Variants in DENND6B observed in about 807,000 individuals in gnomAD.
DENND6B encodes DENN domain containing 6B.
A neutral mutation model predicts 85.1 loss-of-function variants in DENND6B; 73 were observed. The observed-to-expected ratio is 0.86, with a 90% CI of 0.71 to 1.04. The LOEUF is 1.04. Ranked by LOEUF, DENND6B falls within the 50% of genes least tolerant of loss-of-function variation. The pLI is 0.00. For missense variants in DENND6B, 715 were observed against 785.8 expected, an observed-to-expected ratio of 0.91 and a Z score of 1.08; for synonymous variants, 357 against 329.3, an observed-to-expected ratio of 1.08 and a Z score of -0.91.
In DENND6B at chr22:50,311,931, C is replaced by A; in HGVS notation, c.*208G>T. 1.2e-6 allele frequency: 1 copy of A among 847,126 alleles called. No homozygotes were observed. The allele number at this position is 847,126 out of a possible 1,614,324, so 52.5% of individuals were successfully genotyped here. A position where few individuals can be genotyped will look rare whatever the true frequency, so the allele number is the denominator to read the frequency against. ...GGACCCAGGAGGAGGCAAGGCTCTG[C>A]CTGCGAGGAACCCCTATGGTCAAGG... On this transcript the variant is annotated 3_prime_UTR_variant, in exon 20 of 20. Coordinates refer to ENST00000413817, the MANE Select transcript of DENND6B (RefSeq NM_001001794.4).
At chr22:50,318,821 G>A in intron 3 of DENND6B, 26 bp downstream of exon 3, 1 of 1,612,264 alleles carries the variant, frequency 6.2e-7, no homozygotes, top group South Asian at 1.1e-5. Context: ...TTCATGTCCA[G>A]CCCCAGGAAA....
chr22:50,326,789 C>T (rs777811274), intron 1 of DENND6B, 23 bp downstream of exon 1: 13 of 1,366,970 alleles, frequency 9.5e-6, no homozygotes, highest in South Asian at 8.3e-5. Context: ...CACCCGCCCG[C>T]GCCCGCGCTC....
intron 13 of DENND6B, 81 bp from the exon 14 acceptor site, chr22:50,313,959 T>TGG: frequency 6.8e-7 from 1 of 1,476,022 alleles, no homozygotes; most frequent in Non-Finnish European, 9.0e-7. Context: ...GGAGCCAGGG[T>TGG]GGGGGTCTCA....
Position 50,314,842 on chromosome 22 carries a change from G to C in DENND6B, c.838C>G (p.Pro280Ala), listed in dbSNP as rs533282496. 2 of 1,611,532 alleles carry C rather than the reference G, an allele frequency of 1.2e-6. No individual in the cohort carries two copies. The highest frequency in any genetic ancestry group is 2.2e-5 in the South Asian group (2 of 90,730). Residue 280 changes from proline to alanine, a missense_variant, in exon 10 of 20, where the codon CCC becomes GCC. Physicochemically the swap from Pro to Ala is conservative, Grantham distance 27. Transcript: ENST00000413817. Reference protein sequence around the residue: ...LLGEPLLVLAPSPDVSSEMVL... With the variant: ...LLGEPLLVLAASPDVSSEMVL... ...ATCTCCGAGGACACGTCGGGCGAGG[G>C]TGCCAGGACTAGCAGGGGCTCCCCG...
intron 1 of DENND6B, among the ~76,000 whole-genome samples, chr22:50,320,504 G>A (rs1021458204): frequency 1.3e-5 from 2 of 152,196 alleles, no homozygotes; most frequent in Non-Finnish European, 2.9e-5. Flanking sequence ...CTGCCTCCCA[G>A]CACCTGGCAC....
intron 3 of DENND6B, among the ~76,000 whole-genome samples, chr22:50,318,325 G>A (rs1021854898): frequency 3.3e-5 from 5 of 152,126 alleles, no homozygotes; most frequent in Admixed American, 6.5e-5. Context: ...CCTGGGTGAC[G>A]GAGTGAGACT....
chr22:50,314,141 A>G, intron 13 of DENND6B, 66 bp downstream of exon 13: 1 of 1,518,730 alleles, frequency 6.6e-7, no homozygotes, highest in Admixed American at 2.1e-5. Context: ...CCCACCCGAG[A>G]GACCCGCCAG....
At position 50,316,369 on chromosome 22, in the gene DENND6B, C is replaced by T. The variant is rs1471028221; in HGVS notation, c.559+1G>A. On this transcript the variant is annotated splice_donor_variant, in intron 6 of 19. Coordinates refer to ENST00000413817, the MANE Select transcript of DENND6B (RefSeq NM_001001794.4). LOFTEE classifies it high-confidence loss of function. ...GATGGCCACGACTGATGGCCACTCACCTGCTTCCAGGCAGGGCGCCAGCTT... is the reference window on the plus strand; with the variant it reads ...GATGGCCACGACTGATGGCCACTCATCTGCTTCCAGGCAGGGCGCCAGCTT... 1.3e-6 allele frequency: 2 copies of T among 1,573,198 alleles called. No individual in the cohort carries two copies. Among genetic ancestry groups the T allele is most frequent in the Non-Finnish European group, 1.7e-6 (2 of 1,161,062 alleles).
intron 1 of DENND6B, chr22:50,319,618 G>A: frequency 1.4e-6 from 1 of 734,086 alleles, no homozygotes; most frequent in Non-Finnish European, 1.7e-6. Context: ...CCCTCACCTG[G>A]GATGGTCACG....
Position 50,311,142 on chromosome 22 carries a change from C to G in DENND6B, c.*997G>C, listed in dbSNP as rs1036000150. ...GGGACCTGCTCCCGGGCACACAGTG[C>G]GTGATGCTGAGCAGGGCTTGGCTGT... On this transcript the variant is annotated 3_prime_UTR_variant, in exon 20 of 20. Transcript: ENST00000413817. 6.6e-6 allele frequency: 1 copy of G among 152,166 alleles called. No individual in the cohort carries two copies. Among genetic ancestry groups the G allele is most frequent in the Admixed American group, 6.5e-5 (1 of 15,276 alleles). 9.4% of individuals were successfully genotyped at this position (152,166 alleles called of 1,614,324 possible). A position where few individuals can be genotyped will look rare whatever the true frequency, so the allele number is the denominator to read the frequency against.
chr22:50,326,334 T>C (rs2042188415), intron 1 of DENND6B, among the ~76,000 whole-genome samples: 1 of 152,156 alleles, frequency 6.6e-6, no homozygotes, highest in Non-Finnish European at 1.5e-5. Context: ...CCACAAAGGT[T>C]GAACTCTGGG....
Position 50,312,260 on chromosome 22 carries a change from A to G in DENND6B, c.1637T>C (p.Val546Ala). Residue 546 changes from valine to alanine, a missense_variant and splice_region_variant, in exon 20 of 20, where the codon GTG becomes GCG. By Grantham distance (64) the Val-to-Ala change is moderately conservative (BLOSUM62 0). Transcript: ENST00000413817. ...DLVLKLREKL[V>A]RAQGHQLPVK... Reference sequence around the variant, plus strand: ...AGGGAGCTGGTGGCCCTGAGCCCGCACCTGGAGGGGCAGCCATGGTCAGGG... The same window carrying G: ...AGGGAGCTGGTGGCCCTGAGCCCGCGCCTGGAGGGGCAGCCATGGTCAGGG... 6.2e-7 allele frequency: 1 copy of G among 1,612,058 alleles called. No homozygotes were observed.
At chr22:50,313,362 C>T (rs1569196043) in intron 16 of DENND6B, 84 bp downstream of exon 16, 7 of 1,491,430 alleles carry the variant, frequency 4.7e-6, no homozygotes, top group Non-Finnish European at 6.3e-6. Context: ...CAGCCACAGC[C>T]TCCTGCTCCA....
intron 1 of DENND6B, among the ~76,000 whole-genome samples, chr22:50,319,834 C>T (rs1354113884): frequency 6.6e-6 from 1 of 152,254 alleles, no homozygotes; most frequent in Non-Finnish European, 1.5e-5. Context: ...CCACCTGTAG[C>T]GCCCAGCCGG....
At chr22:50,316,648 T>C (rs1000885248) in intron 5 of DENND6B, 173 bp from the exon 6 acceptor site, 4 of 1,521,150 alleles carry the variant, frequency 2.6e-6, no homozygotes, top group Non-Finnish European at 3.5e-6. Flanking sequence ...CCCAGAATTA[T>C]TAGACAGGAG....
At chr22:50,321,858 G>A (rs1055992558) in intron 1 of DENND6B, among the ~76,000 whole-genome samples, 3 of 151,796 alleles carry the variant, frequency 2.0e-5, no homozygotes, top group Non-Finnish European at 4.4e-5. Flanking sequence ...TGCTACAGGC[G>A]TGCGCCCCCA....
Position 50,326,896 on chromosome 22 carries a change from C to G in DENND6B, c.93G>C (p.Pro31=), listed in dbSNP as rs955155002. The G allele has an allele frequency of 2.2e-4, 305 of 1,401,638 alleles. No individual in the cohort carries two copies. Among genetic ancestry groups the G allele is most frequent in the Non-Finnish European group, 2.8e-4 (298 of 1,077,996 alleles). The allele number at this position is 1,401,638 out of a possible 1,614,324, so 86.8% of individuals were successfully genotyped here. The change falls in exon 1 of 20, where the codon CCG becomes CCC. Residue 31 remains proline, a synonymous_variant. Coordinates refer to ENST00000413817, the MANE Select transcript of DENND6B (RefSeq NM_001001794.4). ...PTSSGRAART[P]AAPWARFSAW... ...CGGAGAAGCGCGCCCAGGGCGCCGC[C>G]GGGGTCCGCGCCGCGCGACCTGAAG...
rs67248662 is a variant in DENND6B at position 50,313,100 on chromosome 22, G to T, written c.1356C>A (p.Pro452=). ...QKSITPWKTP[P]QIQPFSQDDF... ...CATCCTGGCTGAAGGGCTGGATCTG[G>T]GGGGGAGTCTGAGAGGGGATGGGTG... Residue 452 remains proline (P), a synonymous_variant, in exon 17 of 20, where the codon CCC becomes CCA. Transcript: ENST00000413817. 1.9e-5 allele frequency: 29 copies of T among 1,554,264 alleles called. No homozygotes were observed. Among genetic ancestry groups the T allele is most frequent in the East Asian group, 4.9e-5 (2 of 41,212 alleles).
In DENND6B at chr22:50,317,140, G is replaced by C. The variant is rs1393526861; in HGVS notation, c.453+153C>G. 8 of 700,522 alleles carry C rather than the reference G, an allele frequency of 1.1e-5. No individual in the cohort carries two copies. The Admixed American group carries it at 1.4e-4, about 12-fold the overall frequency. The allele number at this position is 700,522 out of a possible 1,614,324, so 43.4% of individuals were successfully genotyped here. On this transcript the variant is annotated intron_variant, in intron 5 of 19. Coordinates refer to ENST00000413817, the MANE Select transcript of DENND6B (RefSeq NM_001001794.4). ...GGGGCGGCGAGGACAGGGTGGGGGG[G>C]CGGCAAGGAGAGCTGGACACAGCCC...
Sources: gnomAD v4.1 joint callset for allele counts (sites outside exome capture counted in the v4.1 genomes callset) on GRCh38, gnomAD v4.1.1 for gene constraint, MANE v1.5 for transcripts, NCBI Gene and HGNC (gene_info 2026-07-23, HGNC 2026-07-21) for gene names.